GARIN3: variants seen among roughly 807,000 people sequenced by gnomAD.
GARIN3 encodes the protein Golgi-associated RAB2 interactor protein 3.
the GARIN3 span, chr5:157,166,076 T>C: frequency 6.2e-7 from 1 of 1,614,206 alleles, no homozygotes; most frequent in Non-Finnish European, 8.5e-7. Flanking sequence ...TGTTGTACAA[T>C]TGTCGTTGCA....
At chr5:157,162,886 T>C in the GARIN3 span, 1 of 1,614,226 alleles carries the variant, frequency 6.2e-7, no homozygotes, top group South Asian at 1.1e-5. Flanking sequence ...TTTCTGATTC[T>C]TGTCCCCCGC....
chr5:157,164,995 G>A, the GARIN3 span, among the ~76,000 whole-genome samples: 14 of 152,124 alleles, frequency 9.2e-5, no homozygotes, highest in Non-Finnish European at 1.6e-4. Flanking sequence ...CTCCAGCCTG[G>A]GAGATAAGAG....
At chr5:157,165,737 G>A in the GARIN3 span, 66 of 1,614,164 alleles carry the variant, frequency 4.1e-5, no homozygotes, top group East Asian at 7.8e-4. Context: ...GGCCAGTGGC[G>A]AGTTTCAGGC....
the GARIN3 span, among the ~76,000 whole-genome samples, chr5:157,164,065 AAAAG>A: frequency 1.1e-4 from 16 of 152,152 alleles, no homozygotes; most frequent in African/African-American, 1.4e-4. Context: ...CTGTTTAAAA[AAAAG>A]AAAGAAAGAA....
chr5:157,165,602 T>C, the GARIN3 span: 4 of 1,613,890 alleles, frequency 2.5e-6, no homozygotes, highest in Non-Finnish European at 3.4e-6. Flanking sequence ...CGTCCCCAGA[T>C]AGAAGTGTTG....
the GARIN3 span, among the ~76,000 whole-genome samples, chr5:157,164,427 C>A: frequency 2.0e-5 from 3 of 152,202 alleles, no homozygotes; most frequent in African/African-American, 7.2e-5. Context: ...GCTGGGTTAA[C>A]AAGCATGAGC....
the GARIN3 span, among the ~76,000 whole-genome samples, chr5:157,164,886 G>T: frequency 6.6e-6 from 1 of 152,104 alleles, no homozygotes; most frequent in East Asian, 1.9e-4. Flanking sequence ...TGGACGTGGT[G>T]GCAGGTGCCT....
the GARIN3 span, chr5:157,166,079 T>C: frequency 1.2e-6 from 2 of 1,614,238 alleles, no homozygotes; most frequent in South Asian, 1.1e-5. Flanking sequence ...TGTACAATTG[T>C]CGTTGCAGGT....
chr5:157,165,260 G>A, the GARIN3 span, among the ~76,000 whole-genome samples: 1 of 152,134 alleles, frequency 6.6e-6, no homozygotes, highest in Non-Finnish European at 1.5e-5. Context: ...ACCTGGGTTG[G>A]GGTATTAAGT....
At chr5:157,162,381 A>T in the GARIN3 span, 2 of 1,539,110 alleles carry the variant, frequency 1.3e-6, no homozygotes, top group Non-Finnish European at 1.7e-6. Flanking sequence ...TGCAGTAAAG[A>T]AAGCTGGGAT....
the GARIN3 span, chr5:157,162,056 G>A: frequency 2.1e-5 from 5 of 239,278 alleles, no homozygotes; most frequent in Non-Finnish European, 3.2e-5. Flanking sequence ...GAATGTCCAT[G>A]TTCAGGGGCA....
the GARIN3 span, chr5:157,166,211 T>A: frequency 6.4e-7 from 1 of 1,572,100 alleles, no homozygotes; most frequent in Non-Finnish European, 8.6e-7. Flanking sequence ...ACAAATAGAG[T>A]CCCCGAGAGA....
At chr5:157,165,939 G>C in the GARIN3 span, 1 of 1,614,198 alleles carries the variant, frequency 6.2e-7, no homozygotes, top group Middle Eastern at 1.6e-4. Context: ...GATGGGGCTG[G>C]TGCAGACGAT....
At chr5:157,163,539 G>A in the GARIN3 span, 37 of 1,614,136 alleles carry the variant, frequency 2.3e-5, no homozygotes, top group East Asian at 1.8e-4. Flanking sequence ...TAGCCGTTCC[G>A]TGGGAGGCAT....
the GARIN3 span, chr5:157,166,203 A>T: frequency 6.3e-7 from 1 of 1,583,284 alleles, no homozygotes; most frequent in East Asian, 2.2e-5. Flanking sequence ...CACCAGCCAC[A>T]AATAGAGTCC....
chr5:157,162,395 C>G, the GARIN3 span: 3 of 1,552,548 alleles, frequency 1.9e-6, no homozygotes, highest in African/African-American at 4.2e-5. Flanking sequence ...CTGGGATGGG[C>G]TCCTCTAGGG....
At chr5:157,162,863 GGTGGGAA>G in the GARIN3 span, 3 of 1,614,020 alleles carry the variant, frequency 1.9e-6, no homozygotes, top group South Asian at 2.2e-5. Context: ...GATGCGGACC[GGTGGGAA>G]GACGCTTTCT....
At chr5:157,161,886 G>T in the GARIN3 span, 1 of 152,804 alleles carries the variant, frequency 6.5e-6, no homozygotes, top group African/African-American at 2.4e-5. Flanking sequence ...CAGGCAGCTG[G>T]TAAGATTTGG....
the GARIN3 span, chr5:157,166,099 A>C: frequency 2.2e-5 from 36 of 1,614,164 alleles, no homozygotes; most frequent in East Asian, 8.0e-4. Context: ...TCCCCCATGG[A>C]GGTTTTGAAC....
Sources: gnomAD v4.1 joint callset for allele counts (sites outside exome capture counted in the v4.1 genomes callset) on GRCh38, gnomAD v4.1.1 for gene constraint, MANE v1.5 for transcripts, NCBI Gene and HGNC (gene_info 2026-07-23, HGNC 2026-07-21) for gene names.